THSD7A: variants seen among roughly 807,000 people sequenced by gnomAD.
The protein encoded by THSD7A is thrombospondin type-1 domain-containing protein 7A.
THSD7A carries 96 observed loss-of-function variants against 231.3 expected under a neutral mutation model. The ratio of observed to expected loss-of-function variants is 0.41; its 90% CI spans 0.35 to 0.49. The LOEUF is 0.49. Ranked by LOEUF, THSD7A falls within the 20% of genes least tolerant of loss-of-function variation. THSD7A has a pLI of 0.05. For synonymous variants in THSD7A, 940 were observed against 743.3 expected (o/e 1.26, Z -4.30); for missense variants, 2,290 against 2,070.2 (o/e 1.11, Z -2.06).
In THSD7A at chr7:11,632,814, C is replaced by G. The variant is rs539597037; in HGVS notation, c.1022+3316G>C. On this transcript the variant is annotated intron_variant, in intron 2 of 27. Transcript: ENST00000423059. This position sits in a 1 kb window ranked among gnomAD's most constrained non-coding sequence, Gnocchi z 4.1. ...GCAGAATATTAGTCTTGTACAATTT[C>G]GATGTGTGAATCAAGGTCTTCTTTT... Among the ~76,000 whole-genome samples the G allele has an allele frequency of 8.1e-4, 124 of 152,216 alleles. 1 individual carries two copies. Among genetic ancestry groups the G allele is most frequent in the Non-Finnish European group, 1.0e-4 (7 of 67,988 alleles).
chr7:11,416,250 T>C (rs569903878), intron 17 of THSD7A, among the ~76,000 whole-genome samples: 1 of 152,342 alleles, frequency 6.6e-6, no homozygotes, highest in South Asian at 2.1e-4. Flanking sequence ...AGAAACCTAC[T>C]GGACAAAGTT....
intron 4 of THSD7A, among the ~76,000 whole-genome samples, chr7:11,552,321 A>G (rs940361128): frequency 6.6e-6 from 1 of 152,112 alleles, no homozygotes; most frequent in Admixed American, 6.6e-5. Flanking sequence ...AAAGTTAGAA[A>G]AAAAATACAC....
chr7:11,692,804 C>T (rs1780275436), intron 1 of THSD7A, among the ~76,000 whole-genome samples: 1 of 151,458 alleles, frequency 6.6e-6, no homozygotes, highest in Non-Finnish European at 1.5e-5. Flanking sequence ...TGTGAGATGT[C>T]TAAAACCTTA....
chr7:11,642,612 C>T (rs1026234444), intron 1 of THSD7A, among the ~76,000 whole-genome samples: 9 of 152,004 alleles, frequency 5.9e-5, no homozygotes, highest in African/African-American at 1.7e-4. Flanking sequence ...GTTTTATATG[C>T]CCAAAACTTG....
chr7:11,732,643 C>A (rs1217235176), intron 1 of THSD7A, among the ~76,000 whole-genome samples: 21 of 151,758 alleles, frequency 1.4e-4, no homozygotes, highest in Non-Finnish European at 1.5e-5. Context: ...CCACTTCCAC[C>A]ACCACCACCA....
At chr7:11,628,113 T>C (rs1337203259) in intron 2 of THSD7A, among the ~76,000 whole-genome samples, 2 of 152,168 alleles carry the variant, frequency 1.3e-5, no homozygotes, top group African/African-American at 4.8e-5. Context: ...TAATAGCAAA[T>C]GTATATAACT....
chr7:11,661,942 A>C (rs554973632), intron 1 of THSD7A, among the ~76,000 whole-genome samples: 4 of 151,410 alleles, frequency 2.6e-5, no homozygotes, highest in African/African-American at 9.6e-5. Flanking sequence ...ATTAATTTTG[A>C]GTTGACTGTA....
intron 6 of THSD7A, among the ~76,000 whole-genome samples, chr7:11,508,012 A>T (rs1379363742): frequency 6.6e-6 from 1 of 152,198 alleles, no homozygotes; most frequent in Non-Finnish European, 1.5e-5. Flanking sequence ...TAAGCAAGGC[A>T]TGTGTTACAT....
chr7:11,826,507 T>C (rs75842873), intron 1 of THSD7A, among the ~76,000 whole-genome samples: 4,608 of 152,284 alleles, frequency 0.03, 101 homozygotes, highest in South Asian at 0.08. Flanking sequence ...ATAATTATTA[T>C]AGAAACAATC....
chr7:11,560,212 G>A (rs2189641), intron 4 of THSD7A, among the ~76,000 whole-genome samples: 73,933 of 151,752 alleles, frequency 0.49, 18,361 homozygotes, highest in Admixed American at 0.6. Flanking sequence ...TTATTTTTTT[G>A]AAAATGCAGT....
chr7:11,692,349 C>T (rs1780258663), intron 1 of THSD7A, among the ~76,000 whole-genome samples: 1 of 151,578 alleles, frequency 6.6e-6, no homozygotes, highest in Non-Finnish European at 1.5e-5. Context: ...ATACCTCAGT[C>T]TCTACAGTTA....
chr7:11,602,315 T>C (rs555376018), intron 2 of THSD7A, among the ~76,000 whole-genome samples: 2 of 152,236 alleles, frequency 1.3e-5, no homozygotes, highest in African/African-American at 2.4e-5. Flanking sequence ...TGTGTATGTG[T>C]ATATATGTAG....
At chr7:11,603,935 G>A (rs1412032517) in intron 2 of THSD7A, among the ~76,000 whole-genome samples, 1 of 150,688 alleles carries the variant, frequency 6.6e-6, no homozygotes, top group East Asian at 2.0e-4. Flanking sequence ...GCTAGATGAC[G>A]AGTTAGTGGG....
intron 15 of THSD7A, among the ~76,000 whole-genome samples, chr7:11,425,561 T>C (rs1446968127): frequency 6.6e-6 from 1 of 150,968 alleles, no homozygotes; most frequent in Non-Finnish European, 1.5e-5. Flanking sequence ...TGGTTTCAGG[T>C]TTTTTTTTAG....
intron 1 of THSD7A, among the ~76,000 whole-genome samples, chr7:11,754,377 A>C (rs1030363032): frequency 6.6e-6 from 1 of 152,048 alleles, no homozygotes; most frequent in Non-Finnish European, 1.5e-5. Context: ...CACTGAAGTG[A>C]CATTGTGGAG....
At chr7:11,563,982 T>A (rs1460424991) in intron 4 of THSD7A, among the ~76,000 whole-genome samples, 3 of 152,166 alleles carry the variant, frequency 2.0e-5, no homozygotes, top group Non-Finnish European at 4.4e-5. Flanking sequence ...GCTAAGCTGT[T>A]CATTGGAGCG....
At position 11,634,377 on chromosome 7, in the gene THSD7A, G is replaced by T. The variant is rs116750236; in HGVS notation, c.1022+1753C>A. 2.5e-3 allele frequency among the ~76,000 whole-genome samples: 374 copies of T among 152,214 alleles called. No individual in the cohort carries two copies. Among genetic ancestry groups the T allele is most frequent in the African/African-American group, 7.4e-3 (309 of 41,508 alleles). ...TTACACTTTTAATTGAGTAGTCAAC[G>T]TTAAATTAAATGTCTACAGCATGCT... On this transcript the variant is annotated intron_variant, in intron 2 of 27. Coordinates refer to ENST00000423059, the MANE Select transcript of THSD7A (RefSeq NM_015204.3). This position sits in a 1 kb window ranked among gnomAD's most constrained non-coding sequence, Gnocchi z 4.1.
intron 13 of THSD7A, among the ~76,000 whole-genome samples, chr7:11,445,519 ATGTGTGTGTG>A (rs10691034): frequency 1.3e-5 from 2 of 149,082 alleles, no homozygotes; most frequent in Non-Finnish European, 3.0e-5. Flanking sequence ...CGTTTGTTTT[ATGTGTGTGTG>A]TGTGTGTGTG....
At chr7:11,645,131 T>C (rs1039785045) in intron 1 of THSD7A, among the ~76,000 whole-genome samples, 2 of 151,952 alleles carry the variant, frequency 1.3e-5, no homozygotes, top group Non-Finnish European at 1.5e-5. Flanking sequence ...TTTTCTTTTG[T>C]TAATTTGATG....
Sources: allele counts gnomAD v4.1 joint callset (sites outside exome capture counted in the v4.1 genomes callset), GRCh38; gene constraint gnomAD v4.1.1; non-coding constraint Gnocchi (gnomAD v3.1); transcripts MANE v1.5; gene names NCBI Gene and HGNC (gene_info 2026-07-23, HGNC 2026-07-21).